The following PSTPIP2 variants were observed in gnomAD, a reference collection of about 807,000 sequenced individuals.
PSTPIP2 encodes the protein proline-serine-threonine phosphatase interacting protein 2, also known as proline-serine-threonine phosphatase-interacting protein 2.
PSTPIP2 carries 33 observed loss-of-function variants against 63.3 expected under a neutral mutation model. The observed-to-expected ratio is 0.52, with a 90% CI of 0.40 to 0.70. PSTPIP2 has a LOEUF of 0.70. PSTPIP2 is among the 30% of genes least tolerant of loss of function. The pLI is 0.00. For missense variants in PSTPIP2, 312 were observed against 400.7 expected (o/e 0.78, Z 1.89); for synonymous variants, 125 against 132.7 (o/e 0.94, Z 0.40).
At chr18:46,012,076 T>C (rs926192866) in intron 4 of PSTPIP2, among the ~76,000 whole-genome samples, 3 of 152,246 alleles carry the variant, frequency 2.0e-5, no homozygotes, top group Non-Finnish European at 4.4e-5. Flanking sequence ...TTCCAGTATT[T>C]AAAAACCAGT....
At chr18:46,048,707 C>A (rs973374343) in intron 1 of PSTPIP2, among the ~76,000 whole-genome samples, 8 of 152,206 alleles carry the variant, frequency 5.3e-5, no homozygotes, top group African/African-American at 1.9e-4. Context: ...GACTGAGGAA[C>A]TATTCCAGGT....
chr18:46,056,790 A>T (rs1318943470), intron 1 of PSTPIP2, among the ~76,000 whole-genome samples: 1 of 152,044 alleles, frequency 6.6e-6, no homozygotes, highest in African/African-American at 2.4e-5. Flanking sequence ...TTGTTTTTTT[A>T]AAATATTACA....
chr18:46,022,958 C>A (rs1315577642), intron 3 of PSTPIP2, among the ~76,000 whole-genome samples: 1 of 152,112 alleles, frequency 6.6e-6, no homozygotes, highest in South Asian at 2.1e-4. Context: ...AGATCATGTC[C>A]TTTGCAGGGA....
At chr18:46,044,301 C>A (rs1026707996) in intron 1 of PSTPIP2, among the ~76,000 whole-genome samples, 2 of 152,122 alleles carry the variant, frequency 1.3e-5, no homozygotes, top group Non-Finnish European at 2.9e-5. Context: ...GGTACTGGTA[C>A]CAAAACAGTT....
At chr18:46,027,902 T>C (rs1420837648) in intron 2 of PSTPIP2, among the ~76,000 whole-genome samples, 1 of 152,222 alleles carries the variant, frequency 6.6e-6, no homozygotes, top group Admixed American at 6.5e-5. Context: ...GGCTCACGTC[T>C]GTAATCACAG....
chr18:46,070,850 TCTC>T (rs1909369025), intron 1 of PSTPIP2, among the ~76,000 whole-genome samples: 1 of 152,116 alleles, frequency 6.6e-6, no homozygotes, highest in Non-Finnish European at 1.5e-5. Context: ...TCTGCCTCCT[TCTC>T]CTTATGTCTC....
intron 3 of PSTPIP2, chr18:46,016,303 G>T: frequency 4.8e-6 from 1 of 207,100 alleles, no homozygotes. Flanking sequence ...GGTGGAGGTT[G>T]CAGCAAGCCA....
In PSTPIP2 at chr18:46,011,185, T is replaced by G; in HGVS notation, c.350A>C (p.Lys117Thr). 6.2e-7 allele frequency: 1 copy of G among 1,612,496 alleles called. No homozygotes were observed. The highest frequency in any genetic ancestry group is 1.1e-5 in the South Asian group (1 of 91,054). Reference sequence around the variant, plus strand: ...TAACACGTATGCAAATCCAACCTTTTTTCGTTGTAGTTTTTGCTTTTCCCT... The same window carrying G: ...TAACACGTATGCAAATCCAACCTTTGTTCGTTGTAGTTTTTGCTTTTCCCT... Reference protein sequence around the residue: ...EFREKQKLQRKKTELIMDAIH... With the variant: ...EFREKQKLQRTKTELIMDAIH... The change falls in exon 5 of 15, where the codon AAA becomes ACA. Residue 117 changes from lysine (K) to threonine (T), a missense_variant. By Grantham distance (78) the Lys-to-Thr change is moderately conservative. Transcript: ENST00000409746.
In PSTPIP2 at chr18:46,002,369, G is replaced by A. The variant is rs1388400025; in HGVS notation, c.418-2835C>T. Among the ~76,000 whole-genome samples, 18 of 152,098 alleles carry A rather than the reference G, an allele frequency of 1.2e-4. 1 individual carries two copies. Among genetic ancestry groups the A allele is most frequent in the Admixed American group, 1.2e-3 (18 of 15,278 alleles). ...ACCTTTTAGTATCACAGAGACATTA[G>A]TGTTAGATCTTTTCTTATAGTGCAA... On this transcript the variant is annotated intron_variant, in intron 6 of 14. Transcript: ENST00000409746.
At chr18:45,992,056 GGCTAATA>G (rs2051540561) in intron 11 of PSTPIP2, 43 bp downstream of exon 11, 2 of 1,594,442 alleles carry the variant, frequency 1.3e-6, no homozygotes, top group African/African-American at 2.7e-5. Context: ...TAACAAGAAA[GGCTAATA>G]GAATTGTGTA....
intron 1 of PSTPIP2, among the ~76,000 whole-genome samples, chr18:46,064,420 A>C (rs1599752454): frequency 7.2e-6 from 1 of 138,560 alleles, no homozygotes; most frequent in African/African-American, 2.7e-5. Context: ...CCTCCCGAGT[A>C]GCTGGGACTA....
rs1907691030 is a variant in PSTPIP2, at chr18:46,028,912, C to CTGAAGA, written c.135-4232_135-4227dup. The CTGAAGA allele has an allele frequency of 5.2e-6, 8 of 1,531,380 alleles. No individual in the cohort carries two copies. The South Asian group carries it at 8.9e-5, about 17-fold the overall frequency. 94.9% of individuals were successfully genotyped at this position (1,531,380 alleles called of 1,614,324 possible). A position where few individuals can be genotyped will look rare whatever the true frequency, so the allele number is the denominator to read the frequency against. Reference sequence around the variant, plus strand: ...ATCAACTTCTCTTCCAAGAGGAATCCTGAAGATGAAGAACTGCCAGCATGG... The same window carrying CTGAAGA: ...ATCAACTTCTCTTCCAAGAGGAATCCTGAAGATGAAGATGAAGAACTGCCAGCATGG... On this transcript the variant is annotated intron_variant, in intron 2 of 14. Coordinates refer to ENST00000409746, the MANE Select transcript of PSTPIP2 (RefSeq NM_024430.4).
chr18:46,036,899 G>A (rs987331524), intron 2 of PSTPIP2, among the ~76,000 whole-genome samples: 1 of 152,104 alleles, frequency 6.6e-6, no homozygotes, highest in Non-Finnish European at 1.5e-5. Flanking sequence ...CTTCTGGAAA[G>A]TCTTAAAAGC....
In PSTPIP2 at chr18:46,049,600, G is replaced by A. The variant is rs116991834; in HGVS notation, c.34-9553C>T. Among the ~76,000 whole-genome samples, 1,118 of 152,198 alleles carry A rather than the reference G, an allele frequency of 7.3e-3. 1 individual carries two copies. The highest frequency in any genetic ancestry group is 0.011 in the Non-Finnish European group (755 of 68,024). Reference sequence around the variant, plus strand: ...ATCAATCCCATAAAAATGAACAACCGGCCGGGTGAGGTGACTCACGCCTGT... The same window carrying A: ...ATCAATCCCATAAAAATGAACAACCAGCCGGGTGAGGTGACTCACGCCTGT... On this transcript the variant is annotated intron_variant, in intron 1 of 14. Transcript: ENST00000409746.
intron 1 of PSTPIP2, among the ~76,000 whole-genome samples, chr18:46,059,792 G>C (rs922641715): frequency 6.6e-6 from 1 of 152,082 alleles, no homozygotes; most frequent in African/African-American, 2.4e-5. Context: ...ACTTTGGGAG[G>C]CCAAGGCGGG....
chr18:45,993,801 C>G (rs2051563639), intron 9 of PSTPIP2, 98 bp from the exon 10 acceptor site: 4 of 1,013,082 alleles, frequency 3.9e-6, no homozygotes, highest in Admixed American at 4.0e-5. Flanking sequence ...CTTCAGTTAT[C>G]TGTAAACTTA....
Position 46,028,927 on chromosome 18 carries a change from T to G in PSTPIP2, c.135-4241A>C, listed in dbSNP as rs1175191497. ...AAGAGGAATCCTGAAGATGAAGAAC[T>G]GCCAGCATGGTAATGCTGAACGTCC... On this transcript the variant is annotated intron_variant, in intron 2 of 14. Coordinates refer to ENST00000409746, the MANE Select transcript of PSTPIP2 (RefSeq NM_024430.4). The G allele has an allele frequency of 4.9e-6, 7 of 1,432,148 alleles. No individual in the cohort carries two copies. The African/African-American group carries it at 5.6e-5, about 11-fold the overall frequency. 88.7% of individuals were successfully genotyped at this position (1,432,148 alleles called of 1,614,324 possible).
chr18:46,037,065 T>C (rs1908008832), intron 2 of PSTPIP2, among the ~76,000 whole-genome samples: 1 of 152,230 alleles, frequency 6.6e-6, no homozygotes, highest in African/African-American at 2.4e-5. Context: ...TAGTCTGTTA[T>C]CTTTGCCCCT....
chr18:46,004,086 G>A (rs996685710), intron 6 of PSTPIP2, among the ~76,000 whole-genome samples: 3 of 152,086 alleles, frequency 2.0e-5, no homozygotes, highest in African/African-American at 7.2e-5. Context: ...ATTTTGATAA[G>A]CCTTTCTCTT....
Sources: gnomAD v4.1 joint callset for allele counts (sites outside exome capture counted in the v4.1 genomes callset) on GRCh38, gnomAD v4.1.1 for gene constraint, MANE v1.5 for transcripts, NCBI Gene and HGNC (gene_info 2026-07-23, HGNC 2026-07-21) for gene names.